The following SUPT16H variants were observed in gnomAD, a reference collection of about 807,000 sequenced individuals.
SUPT16H encodes the protein FACT complex subunit SPT16.
SUPT16H carries 24 observed loss-of-function variants against 136.2 expected under a neutral mutation model. The observed-to-expected ratio is 0.18, with a 90% CI of 0.13 to 0.25. SUPT16H has a LOEUF of 0.25. Ranked by LOEUF, SUPT16H falls within the 10% of genes least tolerant of loss-of-function variation. The probability of loss-of-function intolerance (pLI) is 1.00; values close to 1 mark genes in which losing one functional copy is unlikely to be tolerated. For synonymous variants in SUPT16H, 415 were observed against 428.2 expected (o/e 0.97, Z 0.38); for missense variants, 623 against 1,270.2 (o/e 0.49, Z 7.74).
chr14:21,367,162 A>C (rs1292305545), intron 7 of SUPT16H, among the ~76,000 whole-genome samples: 1 of 152,074 alleles, frequency 6.6e-6, no homozygotes, highest in Non-Finnish European at 1.5e-5. Flanking sequence ...GATGGTCCTG[A>C]CCTCATGATC....
chr14:21,366,049 G>T (rs780532485), intron 8 of SUPT16H, among the ~76,000 whole-genome samples: 3 of 152,172 alleles, frequency 2.0e-5, no homozygotes, highest in Non-Finnish European at 4.4e-5. Context: ...CTGCAGTGAG[G>T]CACGACTGCA....
Position 21,371,846 on chromosome 14 carries a change from T to G in SUPT16H, c.330+28A>C, listed in dbSNP as rs755112351. On this transcript the variant is annotated intron_variant, in intron 3 of 25. Coordinates refer to ENST00000216297, the MANE Select transcript of SUPT16H (RefSeq NM_007192.4). ...ATCCCTTTTGAAGATTCTTCCACATTTATGACACATTCTTTATTAATCCTG... is the reference window on the plus strand; with the variant it reads ...ATCCCTTTTGAAGATTCTTCCACATGTATGACACATTCTTTATTAATCCTG... 1.9e-6 allele frequency: 3 copies of G among 1,610,754 alleles called. No individual in the cohort carries two copies. In the African/African-American group the frequency reaches 4.0e-5, roughly 22 times the overall value.
At chr14:21,357,797 A>G (rs565654293) in intron 21 of SUPT16H, 130 bp downstream of exon 21, 1 of 942,712 alleles carries the variant, frequency 1.1e-6, no homozygotes. Context: ...TAAAAGTAAC[A>G]TTTGTTCAAT....
rs1158614668 is a variant in SUPT16H, at chr14:21,352,564, A to C, written c.*109T>G. On this transcript the variant is annotated 3_prime_UTR_variant, in exon 26 of 26. Transcript: ENST00000216297. ...TGGCCCCCTAAACCCATAAACACAAATGGCAAAACTTCAAATGAAAACGAA... is the reference window on the plus strand; with the variant it reads ...TGGCCCCCTAAACCCATAAACACAACTGGCAAAACTTCAAATGAAAACGAA... 2 of 1,560,888 alleles carry C rather than the reference A, an allele frequency of 1.3e-6. No homozygotes were observed. The highest frequency in any genetic ancestry group is 1.7e-6 in the Non-Finnish European group (2 of 1,153,952).
At position 21,351,601 on chromosome 14, in the gene SUPT16H, C is replaced by T. The variant is rs368343010; in HGVS notation, c.*1072G>A. 6 of 166,906 alleles carry T rather than the reference C, an allele frequency of 3.6e-5. No homozygotes were observed. Among genetic ancestry groups the T allele is most frequent in the Admixed American group, 1.2e-4 (2 of 16,052 alleles). The allele number at this position is 166,906 out of a possible 1,614,324, so 10.3% of individuals were successfully genotyped here. The stretch of plus-strand genomic sequence containing the variant: ...AACATAAAATCCGGGACCCCTCCCC[C>T]CTTCTTCTCTTAAAGTCACAGAGCA... On this transcript the variant is annotated 3_prime_UTR_variant, in exon 26 of 26. Transcript: ENST00000216297.
At chr14:21,376,524 T>C (rs370092501) in intron 1 of SUPT16H, among the ~76,000 whole-genome samples, 8 of 152,208 alleles carry the variant, frequency 5.3e-5, no homozygotes, top group African/African-American at 1.7e-4. Flanking sequence ...AGTCACTACA[T>C]AGAAATTATA....
At position 21,380,048 on chromosome 14, in the gene SUPT16H, G is replaced by C. The variant is rs551924471; in HGVS notation, c.66+3814C>G. Among the ~76,000 whole-genome samples the C allele has an allele frequency of 1.6e-4, 25 of 152,200 alleles. No homozygotes were observed. In the South Asian group the frequency reaches 3.9e-3, roughly 24 times the overall value. On this transcript the variant is annotated intron_variant, in intron 1 of 25. Coordinates refer to ENST00000216297, the MANE Select transcript of SUPT16H (RefSeq NM_007192.4). ...TCTCCTTATCTGTGGATTCAACTGT[G>C]TACTGAAAATTAAAATGGCCAAACA...
intron 20 of SUPT16H, 27 bp downstream of exon 20, chr14:21,358,288 C>CT (rs759206322): frequency 6.8e-7 from 1 of 1,474,002 alleles, no homozygotes; most frequent in South Asian, 1.2e-5. Flanking sequence ...ACCAGTCAAA[C>CT]TTCAAGCCAA....
At chr14:21,371,224 G>C (rs1474140025) in intron 3 of SUPT16H, among the ~76,000 whole-genome samples, 1 of 152,074 alleles carries the variant, frequency 6.6e-6, no homozygotes, top group African/African-American at 2.4e-5. Flanking sequence ...TATCAAAAGT[G>C]AGCAAAACAT....
intron 4 of SUPT16H, 104 bp from the exon 5 acceptor site, chr14:21,370,000 A>C: frequency 7.3e-7 from 1 of 1,369,114 alleles, no homozygotes; most frequent in Non-Finnish European, 1.0e-6. Flanking sequence ...GTTATTTAGC[A>C]AACTATCACT....
chr14:21,377,361 T>C (rs1312245961), intron 1 of SUPT16H, among the ~76,000 whole-genome samples: 1 of 152,230 alleles, frequency 6.6e-6, no homozygotes, highest in Non-Finnish European at 1.5e-5. Flanking sequence ...AATAGAATCA[T>C]ATCAGCCTTC....
chr14:21,359,592 C>G lies in SUPT16H; in HGVS notation c.2193G>C (p.Gly731=), dbSNP rs1429471507. ...ACTGCACATCCGTGTGCCGCTTCTT[C>G]CCAAACATGATGGCATTCTGTCGGC... The part of the protein sequence containing the change: ...HFHLKNAIMF[G]KKRHTDVQFY... Residue 731 remains glycine (G), a synonymous_variant, in exon 19 of 26, where the codon GGG becomes GGC. Coordinates refer to ENST00000216297, the MANE Select transcript of SUPT16H (RefSeq NM_007192.4). 1.2e-6 allele frequency: 2 copies of G among 1,613,590 alleles called. No individual in the cohort carries two copies. Among genetic ancestry groups the G allele is most frequent in the Admixed American group, 3.3e-5 (2 of 59,870 alleles).
Position 21,353,580 on chromosome 14 carries a change from A to G in SUPT16H, c.2921-15T>C, listed in dbSNP as rs1886368645. The G allele has an allele frequency of 5.6e-6, 9 of 1,612,758 alleles. No individual in the cohort carries two copies. The African/African-American group carries it at 8.0e-5, about 14-fold the overall frequency. On this transcript the variant is annotated splice_polypyrimidine_tract_variant and intron_variant, in intron 24 of 25. Coordinates refer to ENST00000216297, the MANE Select transcript of SUPT16H (RefSeq NM_007192.4). ...CTTAGAATAGTCTGGAAGAAAATTA[A>G]TTAAGCGTTAGTCATCATGCGGGAA...
In SUPT16H at chr14:21,369,470, T is replaced by C. The variant is rs901318076; in HGVS notation, c.631-115A>G. On this transcript the variant is annotated intron_variant, in intron 5 of 25. Coordinates refer to ENST00000216297, the MANE Select transcript of SUPT16H (RefSeq NM_007192.4). ...CTTGTATAAGTCTTAGGAAATGATT[T>C]ATGCGCCAGGTAATATATTGGTATG... 7 of 1,386,320 alleles carry C rather than the reference T, an allele frequency of 5.0e-6. No homozygotes were observed. In the African/African-American group the frequency reaches 7.2e-5, roughly 14 times the overall value. 85.9% of individuals were successfully genotyped at this position (1,386,320 alleles called of 1,614,324 possible).
intron 3 of SUPT16H, among the ~76,000 whole-genome samples, chr14:21,371,098 A>G (rs1297152827): frequency 1.3e-5 from 2 of 151,534 alleles, no homozygotes; most frequent in Admixed American, 1.3e-4. Flanking sequence ...GCTCATCTGG[A>G]ACTCCTGCGC....
intron 7 of SUPT16H, 85 bp from the exon 8 acceptor site, chr14:21,366,614 T>A: frequency 8.0e-7 from 1 of 1,257,530 alleles, no homozygotes; most frequent in Non-Finnish European, 1.1e-6. Flanking sequence ...TTATGTCCCC[T>A]AAAGCAGTGT....
chr14:21,355,310 C>T (rs1459927364), intron 22 of SUPT16H, among the ~76,000 whole-genome samples: 7 of 151,870 alleles, frequency 4.6e-5, no homozygotes, highest in Admixed American at 1.3e-4. Context: ...TTGGCTAACA[C>T]GGTGAAACCC....
At chr14:21,380,323 G>GCT (rs1019087606) in intron 1 of SUPT16H, among the ~76,000 whole-genome samples, 4 of 15,450 alleles carry the variant, frequency 2.6e-4, no homozygotes, top group African/African-American at 5.7e-4. Context: ...AAAGAAATGG[G>GCT]CTCTCTCTCA....
intron 1 of SUPT16H, 174 bp downstream of exon 1, chr14:21,383,688 T>A: frequency 1.3e-6 from 1 of 747,888 alleles, no homozygotes; most frequent in South Asian, 1.5e-5. Flanking sequence ...GGGGATTCCC[T>A]GTTAAGGGGC....
Sources: gnomAD v4.1 joint callset for allele counts (sites outside exome capture counted in the v4.1 genomes callset) on GRCh38, gnomAD v4.1.1 for gene constraint, MANE v1.5 for transcripts, NCBI Gene and HGNC (gene_info 2026-07-23, HGNC 2026-07-21) for gene names.